DSCAM: variants seen among roughly 807,000 people sequenced by gnomAD.
DSCAM encodes the protein cell adhesion molecule DSCAM.
Under a neutral mutation model 217.7 loss-of-function variants are expected in DSCAM, and 47 were observed. The ratio of observed to expected loss-of-function variants is 0.22; its 90% CI spans 0.17 to 0.28. DSCAM has a LOEUF of 0.28. Ranked by LOEUF, DSCAM falls within the 10% of genes least tolerant of loss-of-function variation. The pLI is 1.00. For missense variants in DSCAM, 2,080 were observed against 2,618.3 expected, an observed-to-expected ratio of 0.79 and a Z score of 4.49; for synonymous variants, 1,056 against 1,015.3, an observed-to-expected ratio of 1.04 and a Z score of -0.76.
At chr21:40,370,863 C>A (rs149242523) in intron 3 of DSCAM, among the ~76,000 whole-genome samples, 20 of 152,172 alleles carry the variant, frequency 1.3e-4, no homozygotes, top group Admixed American at 1.0e-3. Context: ...CTCAAGTGAT[C>A]CACCCGTCTT....
intron 10 of DSCAM, among the ~76,000 whole-genome samples, chr21:40,283,912 G>GTC (rs1392795859): frequency 2.0e-5 from 3 of 150,306 alleles, no homozygotes. Flanking sequence ...TGGAAAGGAG[G>GTC]TCTCTTTAGC....
intron 10 of DSCAM, among the ~76,000 whole-genome samples, chr21:40,287,691 C>A (rs2123421203): frequency 6.6e-6 from 1 of 152,268 alleles, no homozygotes; most frequent in Admixed American, 6.5e-5. Context: ...TCTATAACCA[C>A]AGGGGAGGAT....
chr21:40,534,537 C>T (rs77564035), intron 3 of DSCAM, among the ~76,000 whole-genome samples: 1 of 152,106 alleles, frequency 6.6e-6, no homozygotes, highest in East Asian at 1.9e-4. Flanking sequence ...TGATGTGGAC[C>T]TGGAGACTCC....
intron 11 of DSCAM, among the ~76,000 whole-genome samples, chr21:40,206,297 G>A (rs1325964629): frequency 6.6e-6 from 1 of 152,070 alleles, no homozygotes; most frequent in African/African-American, 2.4e-5. Flanking sequence ...GGAAACTGCT[G>A]GGGAAAAGCA....
intron 3 of DSCAM, among the ~76,000 whole-genome samples, chr21:40,426,922 A>G (rs1445938412): frequency 6.6e-6 from 1 of 152,090 alleles, no homozygotes; most frequent in Non-Finnish European, 1.5e-5. Context: ...TGAAAAAAAA[A>G]TCTAGTGTGC....
intron 3 of DSCAM, among the ~76,000 whole-genome samples, chr21:40,531,324 C>G (rs2076445107): frequency 6.6e-6 from 1 of 152,182 alleles, no homozygotes; most frequent in African/African-American, 2.4e-5. Context: ...ACCGTTCCAG[C>G]CACCACACCT....
intron 9 of DSCAM, among the ~76,000 whole-genome samples, chr21:40,300,385 TCTC>T (rs1291853399): frequency 6.6e-6 from 1 of 152,186 alleles, no homozygotes; most frequent in African/African-American, 2.4e-5. Context: ...ATCCTCAAAT[TCTC>T]TGCATCTCCA....
chr21:40,457,885 C>T (rs947890670), intron 3 of DSCAM, among the ~76,000 whole-genome samples: 7 of 152,130 alleles, frequency 4.6e-5, no homozygotes, highest in African/African-American at 1.7e-4. Context: ...TTCTGAGTAG[C>T]AGACACAGTT....
intron 30 of DSCAM, among the ~76,000 whole-genome samples, chr21:40,050,508 A>G (rs1030170480): frequency 2.0e-5 from 3 of 150,866 alleles, no homozygotes; most frequent in Non-Finnish European, 4.4e-5. Flanking sequence ...TTGGAGACAG[A>G]GTCTCGCTCT....
chr21:40,578,571 CT>C (rs1209713536), intron 3 of DSCAM, among the ~76,000 whole-genome samples: 1 of 152,212 alleles, frequency 6.6e-6, no homozygotes, highest in Admixed American at 6.5e-5. Flanking sequence ...AAGCTGGCCA[CT>C]GGAGCCAGCA....
chr21:40,390,496 T>C (rs1380337750), intron 3 of DSCAM, among the ~76,000 whole-genome samples: 1 of 152,220 alleles, frequency 6.6e-6, no homozygotes, highest in East Asian at 1.9e-4. Flanking sequence ...GGCATCCACA[T>C]TATTTTCCCA....
intron 1 of DSCAM, among the ~76,000 whole-genome samples, chr21:40,732,389 C>G (rs1208219814): frequency 1.3e-5 from 2 of 152,178 alleles, no homozygotes; most frequent in Non-Finnish European, 2.9e-5. Flanking sequence ...ATTGGAGATG[C>G]CAAGAACCTT....
chr21:40,706,799 C>T (rs955594431), intron 2 of DSCAM, among the ~76,000 whole-genome samples: 2 of 152,110 alleles, frequency 1.3e-5, no homozygotes, highest in Admixed American at 1.3e-4. Context: ...ATTATGTGTT[C>T]ACAATAAAAA....
At chr21:40,693,074 T>C (rs2090555851) in intron 2 of DSCAM, 118 bp from the exon 3 acceptor site, 1 of 1,200,224 alleles carries the variant, frequency 8.3e-7, no homozygotes, top group Admixed American at 2.5e-5. Flanking sequence ...CATATCTTTC[T>C]GGAAAACAGT....
At chr21:40,723,077 G>T (rs376470520) in intron 1 of DSCAM, among the ~76,000 whole-genome samples, 1 of 149,594 alleles carries the variant, frequency 6.7e-6, no homozygotes, top group Non-Finnish European at 1.5e-5. Context: ...CTGAGAGCTG[G>T]GTCTCTCTCG....
chr21:40,582,899 T>C (rs981870183), intron 3 of DSCAM, among the ~76,000 whole-genome samples: 2 of 152,144 alleles, frequency 1.3e-5, no homozygotes, highest in Non-Finnish European at 2.9e-5. Flanking sequence ...AACAAAGGAA[T>C]TGCCTTTATA....
At position 40,073,704 on chromosome 21, in the gene DSCAM, T is replaced by G. The variant is rs574387830; in HGVS notation, c.4888+1333A>C. On this transcript the variant is annotated intron_variant, in intron 27 of 32. Coordinates refer to ENST00000400454, the MANE Select transcript of DSCAM (RefSeq NM_001389.5). ...CCCTATTTCTGTATTCATGACATGT[T>G]TTGTCTTTCACTGGTAGCTGCTTAT... Among the ~76,000 whole-genome samples the G allele has an allele frequency of 6.4e-4, 98 of 152,324 alleles. 1 individual carries two copies. The highest frequency in any genetic ancestry group is 3.3e-3 in the South Asian group (16 of 4,830).
chr21:40,474,601 G>A (rs907771262), intron 3 of DSCAM, among the ~76,000 whole-genome samples: 2 of 152,182 alleles, frequency 1.3e-5, no homozygotes, highest in South Asian at 2.1e-4. Context: ...GGCTCCCGCA[G>A]AGCAGAGTTT....
intron 3 of DSCAM, among the ~76,000 whole-genome samples, chr21:40,518,703 T>C (rs561728240): frequency 2.4e-4 from 34 of 144,406 alleles, no homozygotes; most frequent in African/African-American, 7.8e-4. Flanking sequence ...TATATATATA[T>C]ACACACACAC....
Sources: allele counts gnomAD v4.1 joint callset (sites outside exome capture counted in the v4.1 genomes callset), GRCh38; gene constraint gnomAD v4.1.1; transcripts MANE v1.5; gene names NCBI Gene and HGNC (gene_info 2026-07-23, HGNC 2026-07-21).